Variants in GALNTL6 observed in about 807,000 individuals in gnomAD.
The protein encoded by GALNTL6 is polypeptide N-acetylgalactosaminyltransferase-like 6.
In GALNTL6, 46 loss-of-function variants were observed where a neutral mutation model predicts 73.7. The ratio of observed to expected loss-of-function variants is 0.62; its 90% CI spans 0.49 to 0.80. GALNTL6 has a LOEUF of 0.80. Among genes scored for constraint, GALNTL6 ranks in the 30% least tolerant of loss-of-function variants. The pLI is 0.00. For missense variants in GALNTL6, 604 were observed against 755.0 expected (o/e 0.80, Z 2.34); for synonymous variants, 259 against 263.7 (o/e 0.98, Z 0.17).
chr4:172,073,341 A>G (rs1035033648), intron 2 of GALNTL6, among the ~76,000 whole-genome samples: 4 of 152,194 alleles, frequency 2.6e-5, no homozygotes, highest in African/African-American at 7.2e-5. Flanking sequence ...ACATAGGTAT[A>G]GTTCTAAGAA....
chr4:172,382,982 A>G (rs917300252), intron 5 of GALNTL6, among the ~76,000 whole-genome samples: 4 of 152,138 alleles, frequency 2.6e-5, no homozygotes, highest in Non-Finnish European at 5.9e-5. Context: ...TGGATGCTCA[A>G]TTCTATTTAT....
chr4:171,931,310 G>T (rs1419529876), intron 2 of GALNTL6, among the ~76,000 whole-genome samples: 1 of 152,018 alleles, frequency 6.6e-6, no homozygotes, highest in Admixed American at 6.6e-5. Context: ...ACCTCCCAAA[G>T]TGCTTGGATT....
intron 2 of GALNTL6, among the ~76,000 whole-genome samples, chr4:171,981,884 T>C (rs1394776586): frequency 3.3e-5 from 5 of 151,788 alleles, no homozygotes; most frequent in Non-Finnish European, 5.9e-5. Context: ...AAATGAAAAA[T>C]ACAAAGAAAA....
chr4:173,031,201 A>C (rs372771510), intron 12 of GALNTL6, among the ~76,000 whole-genome samples: 11 of 142,246 alleles, frequency 7.7e-5, no homozygotes, highest in African/African-American at 3.0e-4. Context: ...GTGCCTTAGC[A>C]GGTTATTCTG....
At chr4:173,010,585 GT>G (rs200445658) in intron 11 of GALNTL6, among the ~76,000 whole-genome samples, 5 of 151,184 alleles carry the variant, frequency 3.3e-5, no homozygotes, top group East Asian at 3.9e-4. Flanking sequence ...TTTTTTTGTT[GT>G]TTTTTTTGTT....
In GALNTL6 at chr4:172,352,519, G is replaced by A. The variant is rs1741976440; in HGVS notation, c.553+3830G>A. ...AGGCTTCATGGTGACTTTAAAGCAG[G>A]ACTAATCCTGGGCTTATCTCCAAAT... On this transcript the variant is annotated intron_variant, in intron 5 of 12. Transcript: ENST00000506823. Among the ~76,000 whole-genome samples the A allele has an allele frequency of 2.6e-5, 4 of 152,226 alleles. No homozygotes were observed. In the South Asian group the frequency reaches 6.2e-4, roughly 24 times the overall value.
At chr4:172,355,862 A>G (rs1196063516) in intron 5 of GALNTL6, among the ~76,000 whole-genome samples, 1 of 152,134 alleles carries the variant, frequency 6.6e-6, no homozygotes, top group Non-Finnish European at 1.5e-5. Flanking sequence ...TTTTTGTAGG[A>G]CATTAATGGT....
chr4:172,675,360 G>A (rs922712052), intron 5 of GALNTL6, among the ~76,000 whole-genome samples: 1 of 152,326 alleles, frequency 6.6e-6, no homozygotes, highest in South Asian at 2.1e-4. Flanking sequence ...AGGCCAAGGT[G>A]CAGCAACTGC....
intron 2 of GALNTL6, among the ~76,000 whole-genome samples, chr4:171,889,299 T>C (rs1736693931): frequency 6.6e-6 from 1 of 152,072 alleles, no homozygotes; most frequent in African/African-American, 2.4e-5. Context: ...AAATGGAATA[T>C]ATTTTGCTGA....
intron 5 of GALNTL6, among the ~76,000 whole-genome samples, chr4:172,596,769 C>G (rs929716452): frequency 2.0e-5 from 3 of 152,078 alleles, no homozygotes; most frequent in Admixed American, 6.6e-5. Flanking sequence ...ATTGTATATA[C>G]ACATATATAC....
intron 2 of GALNTL6, among the ~76,000 whole-genome samples, chr4:171,881,274 C>G (rs1424467987): frequency 6.6e-6 from 1 of 152,080 alleles, no homozygotes; most frequent in African/African-American, 2.4e-5. Context: ...TTAGTATAGA[C>G]TTTTTTATAT....
intron 8 of GALNTL6, among the ~76,000 whole-genome samples, chr4:172,886,869 A>C (rs1745751492): frequency 6.6e-6 from 1 of 152,180 alleles, no homozygotes; most frequent in African/African-American, 2.4e-5. Context: ...GTACACGTGC[A>C]GGATTGTTAC....
At chr4:172,050,072 T>C (rs1730802618) in intron 2 of GALNTL6, among the ~76,000 whole-genome samples, 1 of 152,134 alleles carries the variant, frequency 6.6e-6, no homozygotes, top group Admixed American at 6.6e-5. Flanking sequence ...TTCCCACTTT[T>C]ACTCTCCTTC....
At chr4:172,910,687 G>T (rs1747150822) in intron 8 of GALNTL6, among the ~76,000 whole-genome samples, 1 of 152,140 alleles carries the variant, frequency 6.6e-6, no homozygotes, top group Non-Finnish European at 1.5e-5. Flanking sequence ...TATTGATTAG[G>T]CCAAAACTTC....
At chr4:172,446,589 T>C (rs1260965536) in intron 5 of GALNTL6, among the ~76,000 whole-genome samples, 1 of 152,180 alleles carries the variant, frequency 6.6e-6, no homozygotes, top group Non-Finnish European at 1.5e-5. Flanking sequence ...CAAGTGTTTT[T>C]TTTCTGGCTT....
At chr4:172,950,956 G>T (rs956471295) in intron 9 of GALNTL6, among the ~76,000 whole-genome samples, 8 of 152,144 alleles carry the variant, frequency 5.3e-5, no homozygotes, top group South Asian at 2.1e-4. Context: ...ATCAAAACTG[G>T]TATCTTCTAC....
intron 2 of GALNTL6, among the ~76,000 whole-genome samples, chr4:172,117,405 G>A (rs547835657): frequency 9.2e-4 from 140 of 152,116 alleles, no homozygotes; most frequent in African/African-American, 3.1e-3. Flanking sequence ...TGACAGGCAC[G>A]CTTATAAAGG....
At chr4:173,029,949 T>A (rs1225829491) in intron 12 of GALNTL6, among the ~76,000 whole-genome samples, 1 of 152,212 alleles carries the variant, frequency 6.6e-6, no homozygotes, top group Non-Finnish European at 1.5e-5. Flanking sequence ...CCCTCTATCA[T>A]ACAGCAGAGG....
intron 5 of GALNTL6, among the ~76,000 whole-genome samples, chr4:172,587,810 GTGTC>G (rs897966746): frequency 2.0e-5 from 3 of 152,210 alleles, no homozygotes; most frequent in African/African-American, 7.2e-5. Flanking sequence ...AGAAGTGTGT[GTGTC>G]TGTGTGTGTG....
Sources: allele counts gnomAD v4.1 joint callset (sites outside exome capture counted in the v4.1 genomes callset), GRCh38; gene constraint gnomAD v4.1.1; transcripts MANE v1.5; gene names NCBI Gene and HGNC (gene_info 2026-07-23, HGNC 2026-07-21).